The following PTPRM variants were observed in gnomAD, a reference collection of about 807,000 sequenced individuals.
The protein encoded by PTPRM is receptor-type tyrosine-protein phosphatase mu.
A neutral mutation model predicts 186.7 loss-of-function variants in PTPRM; 47 were observed. The observed-to-expected ratio is 0.25, with a 90% CI of 0.20 to 0.32. The LOEUF (loss-of-function observed/expected upper bound fraction) is 0.32. Among genes scored for constraint, PTPRM ranks in the 10% least tolerant of loss-of-function variants. The pLI, the probability that PTPRM is intolerant of heterozygous loss-of-function variation, is 1.00. For synonymous variants in PTPRM, 668 were observed against 674.9 expected, an observed-to-expected ratio of 0.99 and a Z score of 0.16; for missense variants, 1,494 against 1,865.0, an observed-to-expected ratio of 0.80 and a Z score of 3.66.
intron 1 of PTPRM, among the ~76,000 whole-genome samples, chr18:7,640,612 A>T (rs2144172254): frequency 6.6e-6 from 1 of 152,190 alleles, no homozygotes. Flanking sequence ...ATTCCTAAGG[A>T]TGTGGTAGGG....
intron 22 of PTPRM, among the ~76,000 whole-genome samples, chr18:8,334,239 T>C (rs754922889): frequency 2.0e-5 from 3 of 152,220 alleles, no homozygotes; most frequent in South Asian, 2.1e-4. Flanking sequence ...GGTTCTCTTA[T>C]TGCTGACAGA....
intron 7 of PTPRM, among the ~76,000 whole-genome samples, chr18:7,992,904 G>A (rs929016795): frequency 1.3e-5 from 2 of 151,958 alleles, no homozygotes; most frequent in Non-Finnish European, 2.9e-5. Context: ...AATTTTTGGT[G>A]AATCAGTGAA....
chr18:7,737,679 C>A (rs1419070753), intron 1 of PTPRM, among the ~76,000 whole-genome samples: 1 of 152,180 alleles, frequency 6.6e-6, no homozygotes, highest in Non-Finnish European at 1.5e-5. Context: ...TGTGCCAGCC[C>A]CTGGTCTCCT....
chr18:8,128,102 T>A (rs1033148609), intron 13 of PTPRM, among the ~76,000 whole-genome samples: 2 of 152,114 alleles, frequency 1.3e-5, no homozygotes, highest in African/African-American at 2.4e-5. Flanking sequence ...TTGAGAGAAT[T>A]TTGGATAAAA....
intron 1 of PTPRM, among the ~76,000 whole-genome samples, chr18:7,575,805 A>C (rs2036674088): frequency 6.6e-6 from 1 of 152,210 alleles, no homozygotes; most frequent in Non-Finnish European, 1.5e-5. Flanking sequence ...GGGTTTAGGT[A>C]TGTAATTCAA....
Position 8,370,926 on chromosome 18 carries a change from A to C in PTPRM, c.3091A>C (p.Ile1031Leu), listed in dbSNP as rs1403044934. 6.2e-7 allele frequency: 1 copy of C among 1,605,648 alleles called. No individual in the cohort carries two copies. Among genetic ancestry groups the C allele is most frequent in the Admixed American group, 1.7e-5 (1 of 59,504 alleles). ...CAAATACTGGCCAGATGACACAGAG[A>C]TATATAAAGACATTAAAGTTACCCT... is the stretch of plus-strand genomic sequence containing the variant. ...CCKYWPDDTE[I>L]YKDIKVTLIE... Residue 1031 changes from isoleucine (I) to leucine (L), a missense_variant, in exon 24 of 33, where the codon ATA becomes CTA. Around this residue, in one of 3 missense-constraint regions of PTPRM, gnomAD observed 1,107 missense variants for 1,350.2 expected, o/e 0.82. Transcript: ENST00000580170.
chr18:7,975,176 A>G (rs1288466305), intron 7 of PTPRM, among the ~76,000 whole-genome samples: 2 of 152,198 alleles, frequency 1.3e-5, no homozygotes, highest in Non-Finnish European at 2.9e-5. Flanking sequence ...AAATATAAAA[A>G]TAGGTGCAGC....
chr18:7,839,983 T>C (rs932565695), intron 2 of PTPRM, among the ~76,000 whole-genome samples: 2 of 151,318 alleles, frequency 1.3e-5, no homozygotes, highest in Non-Finnish European at 2.9e-5. Flanking sequence ...CTGAGTTTAG[T>C]GCCTCATGGC....
At chr18:7,574,640 G>C (rs934277217) in intron 1 of PTPRM, among the ~76,000 whole-genome samples, 25 of 152,248 alleles carry the variant, frequency 1.6e-4, no homozygotes, top group Admixed American at 6.5e-5. Flanking sequence ...TTTCTCAGGA[G>C]AGAACTGGAA....
chr18:8,344,383 GATATAT>G (rs61028996), intron 23 of PTPRM, among the ~76,000 whole-genome samples: 1 of 144,818 alleles, frequency 6.9e-6, no homozygotes, highest in Non-Finnish European at 1.5e-5. Context: ...CAGTAAGTAG[GATATAT>G]ATATATATAC....
At chr18:7,864,407 C>T (rs1880698620) in intron 2 of PTPRM, among the ~76,000 whole-genome samples, 1 of 152,178 alleles carries the variant, frequency 6.6e-6, no homozygotes, top group South Asian at 2.1e-4. Context: ...TTTCAGTTTT[C>T]TGCATATGGC....
Position 8,328,330 on chromosome 18 carries a change from C to T in PTPRM, c.2956+9116C>T, listed in dbSNP as rs1598320777. On this transcript the variant is annotated intron_variant, in intron 22 of 32. Coordinates refer to ENST00000580170, the MANE Select transcript of PTPRM (RefSeq NM_001105244.2). ...GCAGCTTTTTTCTCTTGCATTCTGGCCTCCAGATGGAGATGAACACTTGAA... is the reference window on the plus strand; with the variant it reads ...GCAGCTTTTTTCTCTTGCATTCTGGTCTCCAGATGGAGATGAACACTTGAA... Among the ~76,000 whole-genome samples the T allele has an allele frequency of 2.0e-5, 3 of 152,154 alleles. No homozygotes were observed. In the East Asian group the frequency reaches 5.8e-4, roughly 29 times the overall value.
intron 2 of PTPRM, among the ~76,000 whole-genome samples, chr18:7,827,088 A>G (rs575065017): frequency 3.3e-5 from 5 of 152,304 alleles, no homozygotes; most frequent in Non-Finnish European, 5.9e-5. Context: ...GGTGACAGCA[A>G]GGCCCTGTCA....
At chr18:7,638,318 G>A (rs550390019) in intron 1 of PTPRM, among the ~76,000 whole-genome samples, 171 of 152,216 alleles carry the variant, frequency 1.1e-3, no homozygotes, top group Non-Finnish European at 2.0e-3. Flanking sequence ...AATCCAGTTT[G>A]TTTCATTTTT....
At chr18:8,139,793 C>A (rs78371056) in intron 13 of PTPRM, among the ~76,000 whole-genome samples, 7,774 of 151,580 alleles carry the variant, frequency 0.051, 268 homozygotes, top group Middle Eastern at 0.18. Context: ...CTTCACCCCC[C>A]AGCCCACTCC....
intron 7 of PTPRM, among the ~76,000 whole-genome samples, chr18:7,965,391 G>A (rs1356677245): frequency 1.3e-5 from 2 of 152,114 alleles, no homozygotes; most frequent in Non-Finnish European, 2.9e-5. Flanking sequence ...AAGCTTGATG[G>A]CAGTTTGCTT....
At chr18:7,978,430 T>A (rs1361888424) in intron 7 of PTPRM, among the ~76,000 whole-genome samples, 1 of 152,214 alleles carries the variant, frequency 6.6e-6, no homozygotes, top group Non-Finnish European at 1.5e-5. Context: ...TATTTTAAAT[T>A]ATAAAACGGG....
chr18:8,375,699 C>T (rs1414230392), intron 24 of PTPRM, among the ~76,000 whole-genome samples: 1 of 152,228 alleles, frequency 6.6e-6, no homozygotes, highest in Non-Finnish European at 1.5e-5. Context: ...ACTCTCACCT[C>T]ACCAGCCACC....
At chr18:8,368,097 A>C (rs533022370) in intron 23 of PTPRM, among the ~76,000 whole-genome samples, 29 of 151,850 alleles carry the variant, frequency 1.9e-4, no homozygotes, top group Non-Finnish European at 4.0e-4. Context: ...CCTGTATACC[A>C]TATATGTAGT....
Sources: gnomAD v4.1 joint callset for allele counts (sites outside exome capture counted in the v4.1 genomes callset) on GRCh38, gnomAD v4.1.1 for gene constraint, gnomAD v4.1.1 regional missense constraint, MANE v1.5 for transcripts, NCBI Gene and HGNC (gene_info 2026-07-23, HGNC 2026-07-21) for gene names.